The following SAMD3 variants were observed in gnomAD, a reference collection of about 807,000 sequenced individuals.
SAMD3 encodes sterile alpha motif domain-containing protein 3.
In SAMD3, 63 loss-of-function variants were observed where a neutral mutation model predicts 58.5. That is an observed-to-expected ratio of 1.08 (90% CI 0.88 to 1.33). The LOEUF (loss-of-function observed/expected upper bound fraction) is 1.33. SAMD3 is among the 40% of genes most tolerant of loss of function. The probability of loss-of-function intolerance (pLI) is 0.00; values close to 1 mark genes in which losing one functional copy is unlikely to be tolerated. For synonymous variants in SAMD3, 220 were observed against 210.3 expected (o/e 1.05, Z -0.40); for missense variants, 604 against 608.4 (o/e 0.99, Z 0.08).
chr6:130,187,260 A>G (rs1034199563), intron 5 of SAMD3, among the ~76,000 whole-genome samples: 1 of 152,148 alleles, frequency 6.6e-6, no homozygotes, highest in Non-Finnish European at 1.5e-5. Flanking sequence ...CAGTGTTATA[A>G]AATAAAGCTC....
rs183724048 is a variant in SAMD3 at position 130,149,049 on chromosome 6, A to G, written c.1024-2868T>C. Among the ~76,000 whole-genome samples the G allele has an allele frequency of 9.8e-4, 150 of 152,372 alleles. 1 individual carries two copies. The highest frequency in any genetic ancestry group is 1.9e-3 in the Non-Finnish European group (128 of 68,040). ...TGTAAATATTAAATAGCCATACATA[A>G]AGACTAAAACCATGAATTCACATTG... On this transcript the variant is annotated intron_variant, in intron 9 of 11. Coordinates refer to ENST00000439090, the MANE Select transcript of SAMD3 (RefSeq NM_001017373.4).
intron 1 of SAMD3, among the ~76,000 whole-genome samples, chr6:130,361,435 G>A (rs1777986406): frequency 6.6e-6 from 1 of 152,124 alleles, no homozygotes; most frequent in Admixed American, 6.6e-5. Context: ...TACCAAAATT[G>A]TGGCTTAATT....
At chr6:130,309,583 G>C (rs1776071072) in intron 2 of SAMD3, among the ~76,000 whole-genome samples, 1 of 152,188 alleles carries the variant, frequency 6.6e-6, no homozygotes, top group Non-Finnish European at 1.5e-5. Context: ...TGGTCCTCTT[G>C]AAGTGCTTAA....
intron 2 of SAMD3, among the ~76,000 whole-genome samples, chr6:130,247,626 A>G (rs1482698086): frequency 6.6e-6 from 1 of 152,214 alleles, no homozygotes; most frequent in African/African-American, 2.4e-5. Flanking sequence ...CCATTGGAAG[A>G]TGCTCAGTGA....
At chr6:130,273,773 G>A (rs979336083) in intron 2 of SAMD3, among the ~76,000 whole-genome samples, 31 of 151,978 alleles carry the variant, frequency 2.0e-4, no homozygotes, top group Admixed American at 1.8e-3. Context: ...TTAATTGCAT[G>A]CAAATATCTC....
At chr6:130,210,818 G>A (rs1795478384) in intron 4 of SAMD3, among the ~76,000 whole-genome samples, 1 of 151,800 alleles carries the variant, frequency 6.6e-6, no homozygotes, top group Admixed American at 6.6e-5. Context: ...CAGACCTTAA[G>A]TCTAATAAGA....
chr6:130,316,778 T>G lies in SAMD3; in HGVS notation c.-303-3685A>C, dbSNP rs1480783270. ...TCTGAGGGATCATAATGGGATCAAA[T>G]AAAAGTGTTAAAGAGCTTCACATGA... On this transcript the variant is annotated intron_variant, in intron 1 of 13. Transcript: ENST00000368134. 1.3e-5 allele frequency among the ~76,000 whole-genome samples: 2 copies of G among 152,200 alleles called. 1 individual carries two copies. Among genetic ancestry groups the G allele is most frequent in the Admixed American group, 1.3e-4 (2 of 15,284 alleles).
At position 130,231,004 on chromosome 6, in the gene SAMD3, T is replaced by G. The variant is rs560746557; in HGVS notation, c.-187-8191A>C. 7.2e-5 allele frequency among the ~76,000 whole-genome samples: 11 copies of G among 152,300 alleles called. No homozygotes were observed. In the East Asian group the frequency reaches 2.1e-3, roughly 29 times the overall value. On this transcript the variant is annotated intron_variant, in intron 2 of 13. Coordinates refer to the SAMD3 transcript ENST00000368134. ...ATGTTCTGTTCAACAGTGCTATTAA[T>G]GACTTAAATAAGAAAATAAAGATTT...
At chr6:130,353,877 A>T (rs914935866) in intron 1 of SAMD3, among the ~76,000 whole-genome samples, 26 of 152,240 alleles carry the variant, frequency 1.7e-4, no homozygotes, top group African/African-American at 6.0e-4. Flanking sequence ...CAATGGAGTA[A>T]ACAGACAATC....
At chr6:130,317,158 C>T (rs140365151) in intron 1 of SAMD3, among the ~76,000 whole-genome samples, 61 of 152,276 alleles carry the variant, frequency 4.0e-4, no homozygotes, top group African/African-American at 1.4e-3. Context: ...CTATAATTTT[C>T]CTGAACACCT....
intron 1 of SAMD3, among the ~76,000 whole-genome samples, chr6:130,342,538 T>C (rs1777304567): frequency 6.6e-6 from 1 of 152,194 alleles, no homozygotes; most frequent in South Asian, 2.1e-4. Flanking sequence ...AACTACAGTG[T>C]ATTCTTATTT....
At chr6:130,256,531 T>A (rs1218451305) in intron 2 of SAMD3, among the ~76,000 whole-genome samples, 1 of 152,196 alleles carries the variant, frequency 6.6e-6, no homozygotes, top group East Asian at 1.9e-4. Context: ...GGAAGCAATT[T>A]TTTTTCTTTT....
chr6:130,305,406 T>C (rs1488257761), intron 2 of SAMD3, among the ~76,000 whole-genome samples: 1 of 152,214 alleles, frequency 6.6e-6, no homozygotes, highest in African/African-American at 2.4e-5. Flanking sequence ...ATTCTTTGAC[T>C]TATTTTTTCC....
intron 1 of SAMD3, among the ~76,000 whole-genome samples, chr6:130,352,435 C>G (rs1777703771): frequency 6.6e-6 from 1 of 152,192 alleles, no homozygotes; most frequent in South Asian, 2.1e-4. Flanking sequence ...ACTTTTCTTA[C>G]TATCAATAAA....
At chr6:130,354,357 A>G (rs1485286225) in intron 1 of SAMD3, among the ~76,000 whole-genome samples, 1 of 152,212 alleles carries the variant, frequency 6.6e-6, no homozygotes, top group Non-Finnish European at 1.5e-5. Flanking sequence ...TTGTTCTATC[A>G]TAAAGACACA....
intron 8 of SAMD3, among the ~76,000 whole-genome samples, chr6:130,157,115 A>G (rs1158256470): frequency 6.9e-6 from 1 of 145,148 alleles, no homozygotes. Context: ...AAATAAATAA[A>G]TAATAAAATT....
chr6:130,196,717 T>C (rs1302600866), intron 5 of SAMD3, among the ~76,000 whole-genome samples: 2 of 152,188 alleles, frequency 1.3e-5, no homozygotes, highest in Non-Finnish European at 2.9e-5. Context: ...CACATCAAGC[T>C]TGAGGATTTG....
At chr6:130,313,996 G>A (rs1010253216) in intron 1 of SAMD3, among the ~76,000 whole-genome samples, 3 of 152,118 alleles carry the variant, frequency 2.0e-5, no homozygotes, top group Admixed American at 6.6e-5. Flanking sequence ...TGGCTTTTAA[G>A]CATTTATTTT....
intron 2 of SAMD3, among the ~76,000 whole-genome samples, chr6:130,236,988 C>T (rs1039651757): frequency 6.6e-6 from 1 of 152,120 alleles, no homozygotes; most frequent in African/African-American, 2.4e-5. Flanking sequence ...TTATCCAACC[C>T]TGCTAATAAT....
Sources: allele counts gnomAD v4.1 joint callset (sites outside exome capture counted in the v4.1 genomes callset), GRCh38; gene constraint gnomAD v4.1.1; transcripts MANE v1.5; gene names NCBI Gene and HGNC (gene_info 2026-07-23, HGNC 2026-07-21).